Variants in MAN2A1 observed in about 807,000 individuals in gnomAD.
MAN2A1 encodes the protein alpha-mannosidase 2.
MAN2A1 carries 76 observed loss-of-function variants against 142.6 expected under a neutral mutation model. That is an observed-to-expected ratio of 0.53 (90% CI 0.44 to 0.65). MAN2A1 has a LOEUF of 0.65. Among genes scored for constraint, MAN2A1 ranks in the 30% least tolerant of loss-of-function variants. The pLI, the probability that MAN2A1 is intolerant of heterozygous loss-of-function variation, is 0.00. For synonymous variants in MAN2A1, 559 were observed against 473.2 expected (o/e 1.18, Z -2.35); for missense variants, 1,311 against 1,365.1 (o/e 0.96, Z 0.62).
intron 1 of MAN2A1, 22 bp from the exon 2 acceptor site, chr5:109,713,498 G>T (rs1162468697): frequency 3.8e-6 from 6 of 1,570,732 alleles, no homozygotes; most frequent in South Asian, 1.2e-5. Context: ...TCATATAGCT[G>T]CCTTTTTCTT....
intron 3 of MAN2A1, among the ~76,000 whole-genome samples, chr5:109,726,094 C>G (rs1260785679): frequency 2.0e-5 from 3 of 151,934 alleles, no homozygotes; most frequent in Non-Finnish European, 4.4e-5. Flanking sequence ...TGTTCTAGCC[C>G]TCGTTCAATT....
At chr5:109,769,702 C>T (rs1285399931) in intron 6 of MAN2A1, among the ~76,000 whole-genome samples, 6 of 152,068 alleles carry the variant, frequency 3.9e-5, no homozygotes, top group African/African-American at 7.2e-5. Context: ...ATTTTTGTTT[C>T]GCTTTTTGAA....
rs959715143 is a variant in MAN2A1, at chr5:109,868,143, C to A, written c.*1145C>A. 5 of 152,144 alleles carry A rather than the reference C, an allele frequency of 3.3e-5. No homozygotes were observed. The highest frequency in any genetic ancestry group is 1.2e-4 in the African/African-American group (5 of 41,432). 9.4% of individuals were successfully genotyped at this position (152,144 alleles called of 1,614,324 possible). On this transcript the variant is annotated 3_prime_UTR_variant, in exon 22 of 22. Coordinates refer to ENST00000261483, the MANE Select transcript of MAN2A1 (RefSeq NM_002372.4). ...GCAAGGATTTTGTAAAATGCAAAATCCAGCTACTGTTTCCATTTCACAGTA... is the reference window on the plus strand; with the variant it reads ...GCAAGGATTTTGTAAAATGCAAAATACAGCTACTGTTTCCATTTCACAGTA...
chr5:109,713,423 C>A, intron 1 of MAN2A1, 97 bp from the exon 2 acceptor site: 1 of 1,043,028 alleles, frequency 9.6e-7, no homozygotes, highest in Non-Finnish European at 1.4e-6. Context: ...AGTGGCTGCC[C>A]TCGTAGGCAA....
intron 3 of MAN2A1, among the ~76,000 whole-genome samples, chr5:109,726,468 G>A (rs1751748274): frequency 6.6e-6 from 1 of 152,160 alleles, no homozygotes; most frequent in Non-Finnish European, 1.5e-5. Context: ...GTATGGTGGT[G>A]ATATCAGTAT....
intron 12 of MAN2A1, among the ~76,000 whole-genome samples, chr5:109,790,335 G>T (rs1407478517): frequency 6.6e-6 from 1 of 151,822 alleles, no homozygotes; most frequent in Non-Finnish European, 1.5e-5. Context: ...TAAATGGAAT[G>T]AATGTAAAAA....
chr5:109,822,492 C>G (rs374975275), intron 15 of MAN2A1, among the ~76,000 whole-genome samples: 165 of 152,062 alleles, frequency 1.1e-3, no homozygotes, highest in African/African-American at 3.3e-3. Flanking sequence ...AAGAGGCAGT[C>G]TAGTGCATCA....
intron 3 of MAN2A1, among the ~76,000 whole-genome samples, chr5:109,719,313 C>A (rs1751539432): frequency 6.6e-6 from 1 of 152,186 alleles, no homozygotes. Flanking sequence ...TTTTTGCTGT[C>A]AAGCAAAATG....
At chr5:109,780,510 CTGTGTGTGTGTGTGTG>C (rs113661582) in intron 8 of MAN2A1, among the ~76,000 whole-genome samples, 4 of 143,672 alleles carry the variant, frequency 2.8e-5, no homozygotes, top group Non-Finnish European at 4.6e-5. Flanking sequence ...CTTGCAATAT[CTGTGTGTGTGTGTGTG>C]TGTGTGTGTG....
rs77576127 is a variant in MAN2A1 at position 109,742,305 on chromosome 5, G to A, written c.707+12792G>A. Among the ~76,000 whole-genome samples, 271 of 152,302 alleles carry A rather than the reference G, an allele frequency of 1.8e-3. 1 individual carries two copies. The highest frequency in any genetic ancestry group is 5.7e-3 in the African/African-American group (238 of 41,560). On this transcript the variant is annotated intron_variant, in intron 4 of 21. Transcript: ENST00000261483. ...AGTTTCTCTTTGTGGATCTTTTAGTGTGAAAAGGGGCTCCAAATGTGTGCT... is the reference window on the plus strand; with the variant it reads ...AGTTTCTCTTTGTGGATCTTTTAGTATGAAAAGGGGCTCCAAATGTGTGCT...
chr5:109,761,335 TTAAG>T (rs1177056388), intron 5 of MAN2A1, among the ~76,000 whole-genome samples: 1 of 151,768 alleles, frequency 6.6e-6, no homozygotes. Flanking sequence ...CTGTTCTGTA[TTAAG>T]TATCATATTA....
chr5:109,768,849 A>G (rs936809440), intron 6 of MAN2A1, among the ~76,000 whole-genome samples: 12 of 152,192 alleles, frequency 7.9e-5, no homozygotes, highest in African/African-American at 2.9e-4. Context: ...TGAAAAACAA[A>G]GAATTTGAAG....
chr5:109,866,007 C>T (rs1755869424), intron 21 of MAN2A1, among the ~76,000 whole-genome samples: 2 of 152,132 alleles, frequency 1.3e-5, no homozygotes, highest in African/African-American at 4.8e-5. Flanking sequence ...TCAGTTCCAA[C>T]CCTACAAATT....
At position 109,817,560 on chromosome 5, in the gene MAN2A1, T is replaced by C. The variant is rs146117404; in HGVS notation, c.2109+122T>C. 2.2e-4 allele frequency: 201 copies of C among 900,332 alleles called. 4 individuals are homozygous for C. In the East Asian group the frequency reaches 5.0e-3, roughly 22 times the overall value. 55.8% of individuals were successfully genotyped at this position (900,332 alleles called of 1,614,324 possible). A position where few individuals can be genotyped will look rare whatever the true frequency, so the allele number is the denominator to read the frequency against. On this transcript the variant is annotated intron_variant, in intron 13 of 21. Coordinates refer to ENST00000261483, the MANE Select transcript of MAN2A1 (RefSeq NM_002372.4). The stretch of plus-strand genomic sequence containing the variant: ...TTGGTGTATGTGAGGTGATGAAAGT[T>C]GTAAATACCAGAGAGTTTAACTGGT...
intron 7 of MAN2A1, among the ~76,000 whole-genome samples, chr5:109,770,744 C>A (rs1482407072): frequency 6.6e-6 from 1 of 152,002 alleles, no homozygotes; most frequent in Non-Finnish European, 1.5e-5. Flanking sequence ...GGAAAGTGAA[C>A]AATACTAGAT....
At chr5:109,794,466 G>A (rs1232867302) in intron 12 of MAN2A1, among the ~76,000 whole-genome samples, 1 of 152,086 alleles carries the variant, frequency 6.6e-6, no homozygotes, top group African/African-American at 2.4e-5. Flanking sequence ...TAAGATTAAA[G>A]GTTTTCTTTC....
chr5:109,826,882 T>C (rs1754773853), intron 16 of MAN2A1, among the ~76,000 whole-genome samples: 1 of 152,226 alleles, frequency 6.6e-6, no homozygotes. Context: ...ACCTGGATGA[T>C]TGATCAAAAT....
chr5:109,834,526 T>C (rs919489444), intron 16 of MAN2A1, among the ~76,000 whole-genome samples: 1 of 152,236 alleles, frequency 6.6e-6, no homozygotes, highest in Non-Finnish European at 1.5e-5. Flanking sequence ...GTATAATCTT[T>C]ACCCAACATT....
intron 16 of MAN2A1, among the ~76,000 whole-genome samples, chr5:109,832,061 A>G (rs778618330): frequency 1.3e-5 from 2 of 151,512 alleles, no homozygotes; most frequent in South Asian, 2.1e-4. Context: ...ACTCATTGCT[A>G]GAATGATATA....
Sources: gnomAD v4.1 joint callset for allele counts (sites outside exome capture counted in the v4.1 genomes callset) on GRCh38, gnomAD v4.1.1 for gene constraint, MANE v1.5 for transcripts, NCBI Gene and HGNC (gene_info 2026-07-23, HGNC 2026-07-21) for gene names.